MLLT1: variants seen among roughly 807,000 people sequenced by gnomAD.
The protein encoded by MLLT1 is MLLT1 super elongation complex subunit.
A neutral mutation model predicts 55.1 loss-of-function variants in MLLT1; 11 were observed. The ratio of observed to expected loss-of-function variants is 0.20; its 90% CI spans 0.13 to 0.33. The LOEUF (loss-of-function observed/expected upper bound fraction) is 0.33. MLLT1 is among the 10% of genes least tolerant of loss of function. The pLI is 1.00. For missense variants in MLLT1, 536 were observed against 760.6 expected (o/e 0.70, Z 3.47); for synonymous variants, 323 against 320.1 (o/e 1.01, Z -0.10).
At chr19:6,247,638 CA>C (rs2091180892) in intron 3 of MLLT1, among the ~76,000 whole-genome samples, 4 of 152,088 alleles carry the variant, frequency 2.6e-5, no homozygotes, top group Admixed American at 2.6e-4. Context: ...AGTAGGCCAC[CA>C]CTGGGGGAGG....
intron 1 of MLLT1, among the ~76,000 whole-genome samples, chr19:6,279,317 T>C (rs1320391138): frequency 2.0e-5 from 3 of 152,118 alleles, no homozygotes; most frequent in Non-Finnish European, 4.4e-5. Flanking sequence ...AAAGGTCTAC[T>C]GGGCAGATCC....
intron 8 of MLLT1, among the ~76,000 whole-genome samples, chr19:6,215,406 C>A (rs1264812450): frequency 2.6e-5 from 4 of 152,222 alleles, no homozygotes; most frequent in Non-Finnish European, 5.9e-5. Context: ...GACGCCACAG[C>A]CCTCCTCGTG....
At chr19:6,232,753 T>C (rs1383189677) in intron 3 of MLLT1, among the ~76,000 whole-genome samples, 3 of 152,130 alleles carry the variant, frequency 2.0e-5, no homozygotes, top group Non-Finnish European at 2.9e-5. Context: ...TTGGGGGTGA[T>C]GAAAATATGC....
intron 3 of MLLT1, among the ~76,000 whole-genome samples, chr19:6,237,621 T>C (rs2091074900): frequency 6.7e-6 from 1 of 148,168 alleles, no homozygotes; most frequent in African/African-American, 2.5e-5. Context: ...AAAAAAAAAT[T>C]AGCTGGGCGT....
chr19:6,237,805 C>G (rs2091077411), intron 3 of MLLT1, among the ~76,000 whole-genome samples: 1 of 150,232 alleles, frequency 6.7e-6, no homozygotes, highest in Non-Finnish European at 1.5e-5. Context: ...ACGAAGCAAT[C>G]AAGAGAAATG....
At position 6,212,783 on chromosome 19, in the gene MLLT1, A is replaced by G. The variant is rs952072869; in HGVS notation, c.*259T>C. On this transcript the variant is annotated 3_prime_UTR_variant, in exon 12 of 12. Coordinates refer to ENST00000252674, the MANE Select transcript of MLLT1 (RefSeq NM_005934.4). Reference sequence around the variant, plus strand: ...GTCTCTGCCCAGAGCTGCCTTCAACACCAGCCGCTCTCTGAGGGGAGCCCA... The same window carrying G: ...GTCTCTGCCCAGAGCTGCCTTCAACGCCAGCCGCTCTCTGAGGGGAGCCCA... The G allele has an allele frequency of 2.1e-6, 2 of 931,198 alleles. No homozygotes were observed. The highest frequency in any genetic ancestry group is 2.9e-6 in the Non-Finnish European group (2 of 698,740). The allele number at this position is 931,198 out of a possible 1,614,324, so 57.7% of individuals were successfully genotyped here. A position where few individuals can be genotyped will look rare whatever the true frequency, so the allele number is the denominator to read the frequency against.
At chr19:6,246,543 C>T (rs1049374614) in intron 3 of MLLT1, among the ~76,000 whole-genome samples, 2 of 152,012 alleles carry the variant, frequency 1.3e-5, no homozygotes, top group African/African-American at 4.8e-5. Flanking sequence ...TACAAAAGGG[C>T]TACATATTGT....
intron 1 of MLLT1, among the ~76,000 whole-genome samples, chr19:6,271,289 T>G (rs920448058): frequency 7.9e-5 from 12 of 152,228 alleles, no homozygotes; most frequent in African/African-American, 2.4e-4. Context: ...CCACCTAAGC[T>G]TGTTGACTCC....
At chr19:6,266,450 A>T (rs1401000897) in intron 2 of MLLT1, among the ~76,000 whole-genome samples, 2 of 151,808 alleles carry the variant, frequency 1.3e-5, no homozygotes, top group Non-Finnish European at 2.9e-5. Context: ...CGTCTTATAA[A>T]TTTTTTTTGT....
chr19:6,217,609 G>A (rs1030205212), intron 7 of MLLT1, among the ~76,000 whole-genome samples: 1 of 152,240 alleles, frequency 6.6e-6, no homozygotes, highest in South Asian at 2.1e-4. Context: ...GGGTGGGATG[G>A]GCGGAGGAGG....
At position 6,214,046 on chromosome 19, in the gene MLLT1, G is replaced by T; in HGVS notation, c.1308-8C>A. On this transcript the variant is annotated splice_polypyrimidine_tract_variant and splice_region_variant and intron_variant, in intron 8 of 11. Transcript: ENST00000252674. ...CTGTCGCTGAAGCTCAACCTGAACC[G>T]ACACACGGGGGCGCATCAGGCCCCT... 1 of 1,421,636 alleles carries T rather than the reference G, an allele frequency of 7.0e-7. No individual in the cohort carries two copies. The allele number at this position is 1,421,636 out of a possible 1,614,324, so 88.1% of individuals were successfully genotyped here. A position where few individuals can be genotyped will look rare whatever the true frequency, so the allele number is the denominator to read the frequency against.
chr19:6,272,595 G>A (rs1464664175), intron 1 of MLLT1, among the ~76,000 whole-genome samples: 1 of 152,224 alleles, frequency 6.6e-6, no homozygotes, highest in Admixed American at 6.5e-5. Context: ...CCGCTCCTGG[G>A]TTGCTGACGC....
At chr19:6,245,568 G>A (rs971082671) in intron 3 of MLLT1, among the ~76,000 whole-genome samples, 13 of 152,140 alleles carry the variant, frequency 8.5e-5, no homozygotes, top group African/African-American at 2.4e-4. Context: ...AAAATTAGCC[G>A]GGCATGCTGG....
At chr19:6,215,217 G>A (rs1387412013) in intron 8 of MLLT1, among the ~76,000 whole-genome samples, 3 of 152,232 alleles carry the variant, frequency 2.0e-5, no homozygotes, top group Admixed American at 6.5e-5. Flanking sequence ...CCACACAAAC[G>A]TTCCGGGAGG....
chr19:6,277,201 T>C (rs1172675634), intron 1 of MLLT1, among the ~76,000 whole-genome samples: 1 of 152,220 alleles, frequency 6.6e-6, no homozygotes, highest in Non-Finnish European at 1.5e-5. Flanking sequence ...GGCCTCCGGC[T>C]CTGTGAGGAA....
chr19:6,239,338 G>A (rs1021206083), intron 3 of MLLT1, among the ~76,000 whole-genome samples: 2 of 152,204 alleles, frequency 1.3e-5, no homozygotes, highest in Non-Finnish European at 2.9e-5. Context: ...ATAAACCAAC[G>A]TACGAGGGGT....
In MLLT1 at chr19:6,231,974, C is replaced by T. The variant is rs538400484; in HGVS notation, c.277-1261G>A. Among the ~76,000 whole-genome samples the T allele has an allele frequency of 3.4e-4, 52 of 152,194 alleles. No homozygotes were observed. In the South Asian group the frequency reaches 0.01, roughly 30 times the overall value. ...TGCATGGGCCGGGCGCGGTGGCTCA[C>T]GCCTGTAACCCAGAACTCTGGGAGG... On this transcript the variant is annotated intron_variant, in intron 3 of 11. Coordinates refer to ENST00000252674, the MANE Select transcript of MLLT1 (RefSeq NM_005934.4). The surrounding 1 kb of genome is among the most constrained non-coding windows in gnomAD (Gnocchi z 5.1).
At chr19:6,216,351 C>A in intron 8 of MLLT1, 54 bp downstream of exon 8, 1 of 1,321,872 alleles carries the variant, frequency 7.6e-7, no homozygotes, top group South Asian at 1.3e-5. Context: ...GCAGACCCAG[C>A]CGGAGTCGCC....
At chr19:6,249,699 A>C (rs117174599) in intron 3 of MLLT1, among the ~76,000 whole-genome samples, 2,708 of 152,272 alleles carry the variant, frequency 0.018, 37 homozygotes, top group Middle Eastern at 0.051. Flanking sequence ...TTTACTGTCA[A>C]TGCTTAAAAA....
Sources: allele counts gnomAD v4.1 joint callset (sites outside exome capture counted in the v4.1 genomes callset), GRCh38; gene constraint gnomAD v4.1.1; non-coding constraint Gnocchi (gnomAD v3.1); transcripts MANE v1.5; gene names NCBI Gene and HGNC (gene_info 2026-07-23, HGNC 2026-07-21).